Variants in MET observed in about 807,000 individuals in gnomAD.
The protein encoded by MET is hepatocyte growth factor receptor.
In MET, 48 loss-of-function variants were observed where a neutral mutation model predicts 133.1. That is an observed-to-expected ratio of 0.36 (90% CI 0.29 to 0.46). The LOEUF (loss-of-function observed/expected upper bound fraction) is 0.46. MET is among the 20% of genes least tolerant of loss of function. The pLI is 1.00. For synonymous variants in MET, 628 were observed against 616.5 expected, an observed-to-expected ratio of 1.02 and a Z score of -0.28; for missense variants, 1,442 against 1,695.9, an observed-to-expected ratio of 0.85 and a Z score of 2.63.
intron 2 of MET, among the ~76,000 whole-genome samples, chr7:116,707,290 CA>C (rs1048223830): frequency 3.3e-5 from 5 of 150,278 alleles, no homozygotes; most frequent in African/African-American, 1.2e-4. Flanking sequence ...ATAAAACAAA[CA>C]AAAAAAAACC....
intron 19 of MET, among the ~76,000 whole-genome samples, chr7:116,795,259 T>C (rs1455055677): frequency 6.6e-6 from 1 of 152,194 alleles, no homozygotes; most frequent in African/African-American, 2.4e-5. Context: ...CCACACAAAT[T>C]TAAATTTTGG....
At chr7:116,754,139 G>A (rs73471113) in intron 5 of MET, among the ~76,000 whole-genome samples, 2,712 of 152,074 alleles carry the variant, frequency 0.018, 75 homozygotes, top group African/African-American at 0.058. Flanking sequence ...ATCTCTAAAA[G>A]TAAATAAGTA....
intron 2 of MET, among the ~76,000 whole-genome samples, chr7:116,704,278 A>G (rs188109475): frequency 6.6e-6 from 1 of 152,228 alleles, no homozygotes; most frequent in East Asian, 1.9e-4. Flanking sequence ...GCATGGACTA[A>G]TGGAAAGAGA....
chr7:116,779,746 C>A (rs1260794052), intron 17 of MET, among the ~76,000 whole-genome samples: 1 of 151,966 alleles, frequency 6.6e-6, no homozygotes, highest in Non-Finnish European at 1.5e-5. Flanking sequence ...GGTGAAATAT[C>A]TCACTAGTAG....
At chr7:116,717,327 A>G (rs1293314079) in intron 2 of MET, among the ~76,000 whole-genome samples, 1 of 152,232 alleles carries the variant, frequency 6.6e-6, no homozygotes, top group Non-Finnish European at 1.5e-5. Flanking sequence ...AAACAGCGCC[A>G]GACCCTGAAA....
intron 1 of MET, among the ~76,000 whole-genome samples, chr7:116,679,282 G>C (rs993805774): frequency 1.3e-5 from 2 of 152,088 alleles, no homozygotes; most frequent in African/African-American, 4.8e-5. Flanking sequence ...ATATCCATCT[G>C]TCATACCTTG....
At chr7:116,715,078 A>T (rs575220693) in intron 2 of MET, among the ~76,000 whole-genome samples, 42 of 152,226 alleles carry the variant, frequency 2.8e-4, no homozygotes, top group Non-Finnish European at 4.8e-4. Flanking sequence ...GATAATAATA[A>T]CTGTTTAGTT....
rs781735854 is a variant in MET, at chr7:116,740,835, A to AC, written c.1528-13dup. ...AGATACCCCTCTGGAAGCTCTTTCC[A>AC]CCCCTTCTCTTCACAGATCACGAAG... On this transcript the variant is annotated splice_polypyrimidine_tract_variant and intron_variant, in intron 4 of 20. Transcript: ENST00000397752. 3.1e-6 allele frequency: 5 copies of AC among 1,613,702 alleles called. No individual in the cohort carries two copies. The South Asian group carries it at 5.5e-5, about 18-fold the overall frequency.
chr7:116,776,800 G>A (rs1219463067), intron 15 of MET, among the ~76,000 whole-genome samples: 1 of 152,196 alleles, frequency 6.6e-6, no homozygotes, highest in Non-Finnish European at 1.5e-5. Context: ...AGAGAGAACT[G>A]GATGAAGTGA....
In MET at chr7:116,762,421, C is replaced by A. The variant is rs186809804; in HGVS notation, c.2365-629C>A. On this transcript the variant is annotated intron_variant, in intron 10 of 20. Transcript: ENST00000397752. Reference sequence around the variant, plus strand: ...GGATTATCAGGAGAATTAAATGAGACCAACTTTGTAAAGTATTTTGCACAG... The same window carrying A: ...GGATTATCAGGAGAATTAAATGAGAACAACTTTGTAAAGTATTTTGCACAG... Among the ~76,000 whole-genome samples, 196 of 152,194 alleles carry A rather than the reference C, an allele frequency of 1.3e-3. 1 individual carries two copies. Among genetic ancestry groups the A allele is most frequent in the African/African-American group, 4.5e-3 (188 of 41,530 alleles).
intron 17 of MET, among the ~76,000 whole-genome samples, chr7:116,779,440 C>A (rs1365575797): frequency 1.3e-5 from 2 of 152,208 alleles, no homozygotes; most frequent in African/African-American, 2.4e-5. Flanking sequence ...AGCCACGTAT[C>A]TCACTTCCTC....
At chr7:116,733,718 G>C (rs1028485983) in intron 3 of MET, among the ~76,000 whole-genome samples, 2 of 152,052 alleles carry the variant, frequency 1.3e-5, no homozygotes, top group Non-Finnish European at 2.9e-5. Context: ...TGGTATCACT[G>C]ATTTTTTTTA....
Position 116,745,476 on chromosome 7 carries a change from A to G in MET, c.1701+4451A>G, listed in dbSNP as rs191903304. 3.8e-4 allele frequency among the ~76,000 whole-genome samples: 58 copies of G among 152,358 alleles called. 1 individual carries two copies. ...AAAAAGAGCCTGCATTGTCAAGTCAATACTAAGCCAAAAGAACAAAGCTGG... is the reference window on the plus strand; with the variant it reads ...AAAAAGAGCCTGCATTGTCAAGTCAGTACTAAGCCAAAAGAACAAAGCTGG... On this transcript the variant is annotated intron_variant, in intron 5 of 20. Coordinates refer to ENST00000397752, the MANE Select transcript of MET (RefSeq NM_000245.4).
At chr7:116,702,423 G>T (rs1481816899) in intron 2 of MET, among the ~76,000 whole-genome samples, 1 of 152,052 alleles carries the variant, frequency 6.6e-6, no homozygotes, top group Non-Finnish European at 1.5e-5. Context: ...CCAGACCTCA[G>T]ATTGTTCCAA....
intron 1 of MET, among the ~76,000 whole-genome samples, chr7:116,690,947 T>C (rs978581375): frequency 6.6e-6 from 1 of 152,344 alleles, no homozygotes; most frequent in Non-Finnish European, 1.5e-5. Flanking sequence ...GAATCTTCTA[T>C]TGGAATCTTA....
At position 116,797,212 on chromosome 7, in the gene MET, T is replaced by A. The variant is rs1795704331; in HGVS notation, c.*1088T>A. ...ACTCAAAATAAGACAAGTAATTTGT[T>A]GATAAATATTTTTAAAGATAACTCA... is the stretch of plus-strand genomic sequence containing the variant. On this transcript the variant is annotated 3_prime_UTR_variant, in exon 21 of 21. Coordinates refer to ENST00000397752, the MANE Select transcript of MET (RefSeq NM_000245.4). 4.8e-6 allele frequency: 1 copy of A among 208,176 alleles called. No homozygotes were observed. Among genetic ancestry groups the A allele is most frequent in the South Asian group, 1.9e-4 (1 of 5,306 alleles). The allele number at this position is 208,176 out of a possible 1,614,324, so 12.9% of individuals were successfully genotyped here.
At chr7:116,726,856 A>C (rs542755535) in intron 2 of MET, among the ~76,000 whole-genome samples, 1 of 152,192 alleles carries the variant, frequency 6.6e-6, no homozygotes, top group African/African-American at 2.4e-5. Context: ...GGCAGAAGAG[A>C]TAGGAGACCA....
At position 116,768,116 on chromosome 7, in the gene MET, C is replaced by CA. The variant is rs1419375528; in HGVS notation, c.2584-1528dup. Among the ~76,000 whole-genome samples the CA allele has an allele frequency of 2.6e-5, 4 of 151,844 alleles. No homozygotes were observed. The East Asian group carries it at 7.8e-4, about 29-fold the overall frequency. Reference sequence around the variant, plus strand: ...TGGTATCTACATATAAAATGAGACACAGTGGATGTGTGATCTGTTTTTGTT... The same window carrying CA: ...TGGTATCTACATATAAAATGAGACACAAGTGGATGTGTGATCTGTTTTTGTT... On this transcript the variant is annotated intron_variant, in intron 11 of 20. Transcript: ENST00000397752.
chr7:116,768,041 T>C (rs1246550980), intron 11 of MET, among the ~76,000 whole-genome samples: 1 of 150,836 alleles, frequency 6.6e-6, no homozygotes, highest in African/African-American at 2.4e-5. Flanking sequence ...TATATATATA[T>C]ATAACTGATA....
Sources: allele counts gnomAD v4.1 joint callset (sites outside exome capture counted in the v4.1 genomes callset), GRCh38; gene constraint gnomAD v4.1.1; transcripts MANE v1.5; gene names NCBI Gene and HGNC (gene_info 2026-07-23, HGNC 2026-07-21).